Variants in CERK observed in about 807,000 individuals in gnomAD.
The protein encoded by CERK is acylsphingosine kinase.
CERK carries 39 observed loss-of-function variants against 63.4 expected under a neutral mutation model. The observed-to-expected ratio is 0.61, with a 90% CI of 0.48 to 0.80. The LOEUF (loss-of-function observed/expected upper bound fraction) is 0.80, where lower values mean the gene tolerates loss of function less well. Ranked by LOEUF, CERK falls within the 30% of genes least tolerant of loss-of-function variation. The pLI, the probability that CERK is intolerant of heterozygous loss-of-function variation, is 0.00. For missense variants in CERK, 670 were observed against 714.1 expected, an observed-to-expected ratio of 0.94 and a Z score of 0.70; for synonymous variants, 302 against 280.0, an observed-to-expected ratio of 1.08 and a Z score of -0.78.
At chr22:46,700,247 G>A (rs2082776993) in intron 7 of CERK, among the ~76,000 whole-genome samples, 4 of 151,096 alleles carry the variant, frequency 2.6e-5, no homozygotes, top group Admixed American at 2.6e-4. Context: ...TACAAAATGA[G>A]CTGGGCGTGG....
chr22:46,695,789 G>A (rs552116168), intron 8 of CERK, among the ~76,000 whole-genome samples: 61 of 152,344 alleles, frequency 4.0e-4, no homozygotes, highest in Non-Finnish European at 6.8e-4. Context: ...GGCCAGGGCC[G>A]CTGCCACCCA....
At chr22:46,704,386 A>G (rs923169675) in intron 6 of CERK, among the ~76,000 whole-genome samples, 2 of 152,256 alleles carry the variant, frequency 1.3e-5, no homozygotes, top group Non-Finnish European at 2.9e-5. Context: ...ACCATACAGC[A>G]TAGATGAGAA....
chr22:46,689,615 C>T (rs2082719991), intron 12 of CERK, among the ~76,000 whole-genome samples: 1 of 152,114 alleles, frequency 6.6e-6, no homozygotes, highest in South Asian at 2.1e-4. Flanking sequence ...CTCAAGTGAT[C>T]TGCCCGCCTC....
intron 1 of CERK, among the ~76,000 whole-genome samples, chr22:46,726,485 C>T (rs879356204): frequency 5.9e-5 from 9 of 152,160 alleles, no homozygotes; most frequent in Non-Finnish European, 8.8e-5. Context: ...GCCCGGCCCG[C>T]TTAGAGTCCA....
rs978794122 is a variant in CERK, at chr22:46,714,243, C to G, written c.380-1950G>C. Reference sequence around the variant, plus strand: ...CCAAGATCGCGCCATTGCACTCCAGCCTGGGTGACAGAGTAAGACTCCATG... The same window carrying G: ...CCAAGATCGCGCCATTGCACTCCAGGCTGGGTGACAGAGTAAGACTCCATG... On this transcript the variant is annotated intron_variant, in intron 3 of 12. Transcript: ENST00000216264. This position sits in a 1 kb window ranked among gnomAD's most constrained non-coding sequence, Gnocchi z 4.4. Among the ~76,000 whole-genome samples the G allele has an allele frequency of 6.6e-6, 1 of 152,154 alleles. No homozygotes were observed. Among genetic ancestry groups the G allele is most frequent in the African/African-American group, 2.4e-5 (1 of 41,426 alleles).
At chr22:46,724,880 G>C (rs1270572676) in intron 1 of CERK, among the ~76,000 whole-genome samples, 1 of 152,132 alleles carries the variant, frequency 6.6e-6, no homozygotes, top group Non-Finnish European at 1.5e-5. Context: ...AATTAGCCGG[G>C]TGTGGTGGCG....
At chr22:46,734,067 C>CATATATAT (rs59207182) in intron 1 of CERK, among the ~76,000 whole-genome samples, 52 of 145,404 alleles carry the variant, frequency 3.6e-4, no homozygotes, top group African/African-American at 1.2e-3. Context: ...TACATACATA[C>CATATATAT]ATATATATAT....
intron 1 of CERK, among the ~76,000 whole-genome samples, chr22:46,724,894 A>G (rs765311787): frequency 6.6e-5 from 10 of 151,994 alleles, no homozygotes; most frequent in East Asian, 3.9e-4. Flanking sequence ...GGTGGCGGGC[A>G]CCTGTAGCCC....
At chr22:46,727,108 G>A (rs1187482314) in intron 1 of CERK, among the ~76,000 whole-genome samples, 2 of 152,190 alleles carry the variant, frequency 1.3e-5, no homozygotes, top group Non-Finnish European at 2.9e-5. Flanking sequence ...AACCCAGTGA[G>A]GCTGAGCCGT....
At chr22:46,706,819 C>T (rs1387213132) in intron 6 of CERK, among the ~76,000 whole-genome samples, 1 of 152,204 alleles carries the variant, frequency 6.6e-6, no homozygotes, top group African/African-American at 2.4e-5. Context: ...CGCAATGTCA[C>T]CATCCGTGGG....
chr22:46,710,908 G>C (rs141404136), intron 5 of CERK, among the ~76,000 whole-genome samples, 178 bp downstream of exon 5: 18 of 152,318 alleles, frequency 1.2e-4, no homozygotes, highest in African/African-American at 4.1e-4. Flanking sequence ...AGGAGTGTGT[G>C]ACTGCACTTT....
intron 1 of CERK, 57 bp from the exon 2 acceptor site, chr22:46,721,072 A>G: frequency 9.1e-7 from 1 of 1,095,380 alleles, no homozygotes; most frequent in Non-Finnish European, 1.4e-6. Context: ...CACAGGTAAA[A>G]TCAGTCCAAC....
At chr22:46,727,833 C>A (rs983380146) in intron 1 of CERK, among the ~76,000 whole-genome samples, 2 of 14,532 alleles carry the variant, frequency 1.4e-4, no homozygotes, top group East Asian at 0.017. Flanking sequence ...GCCCAGCCAC[C>A]CCCCCCGGCC....
chr22:46,711,395 T>C (rs2146568843), intron 4 of CERK, among the ~76,000 whole-genome samples: 1 of 152,310 alleles, frequency 6.6e-6, no homozygotes, highest in Admixed American at 6.5e-5. Flanking sequence ...TGGTATTTAA[T>C]TGCCGGCAAA....
chr22:46,736,767 C>T (rs533519074), intron 1 of CERK, among the ~76,000 whole-genome samples: 22 of 152,268 alleles, frequency 1.4e-4, no homozygotes, highest in African/African-American at 4.3e-4. Flanking sequence ...TCGACCTTGG[C>T]CCCACCTAAC....
At chr22:46,716,437 C>G (rs1452463517) in intron 3 of CERK, among the ~76,000 whole-genome samples, 1 of 150,778 alleles carries the variant, frequency 6.6e-6, no homozygotes, top group African/African-American at 2.4e-5. Context: ...GTGATCCACC[C>G]GCCTCGGCCT....
rs2082705857 is a variant in CERK, at chr22:46,687,124, CG to C, written c.*9del. The C allele has an allele frequency of 3.1e-6, 5 of 1,613,090 alleles. No homozygotes were observed. The South Asian group carries it at 4.4e-5, about 14-fold the overall frequency. On this transcript the variant is annotated 3_prime_UTR_variant, in exon 13 of 13. Coordinates refer to ENST00000216264, the MANE Select transcript of CERK (RefSeq NM_022766.6). Reference sequence around the variant, plus strand: ...ACACTTTCCCAGTTTGTGAGCAGGACGCCGGCTTCTCAGCTGTGTGAGTCTG... The same window carrying C: ...ACACTTTCCCAGTTTGTGAGCAGGACCCGGCTTCTCAGCTGTGTGAGTCTG...
chr22:46,698,934 AT>A (rs983417639), intron 8 of CERK, among the ~76,000 whole-genome samples: 13 of 151,854 alleles, frequency 8.6e-5, no homozygotes, highest in African/African-American at 1.9e-4. Context: ...TTTAAAAACT[AT>A]TTTTTTTCCA....
At chr22:46,737,637 C>T (rs1158180134) in intron 1 of CERK, among the ~76,000 whole-genome samples, 2 of 115,632 alleles carry the variant, frequency 1.7e-5, no homozygotes, top group African/African-American at 5.1e-5. Flanking sequence ...CGGTGGGGAG[C>T]GCCTGGCACC....
Sources: gnomAD v4.1 joint callset for allele counts (sites outside exome capture counted in the v4.1 genomes callset) on GRCh38, gnomAD v4.1.1 for gene constraint, Gnocchi (gnomAD v3.1) non-coding constraint, MANE v1.5 for transcripts, NCBI Gene and HGNC (gene_info 2026-07-23, HGNC 2026-07-21) for gene names.